Variants in LRP1 observed in about 807,000 individuals in gnomAD.
The protein encoded by LRP1 is LDL receptor related protein 1.
Under a neutral mutation model 541.5 loss-of-function variants are expected in LRP1, and 51 were observed. That is an observed-to-expected ratio of 0.09 (90% CI 0.08 to 0.12). The LOEUF is 0.12. LRP1 is among the 10% of genes least tolerant of loss of function. The probability of loss-of-function intolerance (pLI) is 1.00; values close to 1 mark genes in which losing one functional copy is unlikely to be tolerated. For missense variants in LRP1, 3,878 were observed against 6,376.2 expected, an observed-to-expected ratio of 0.61 and a Z score of 13.34; for synonymous variants, 2,219 against 2,470.8, an observed-to-expected ratio of 0.90 and a Z score of 3.02.
Position 57,210,405 on chromosome 12 carries a change from A to G in LRP1, c.12679A>G (p.Thr4227Ala), listed in dbSNP as rs1249564533. 1 of 1,605,880 alleles carries G rather than the reference A, an allele frequency of 6.2e-7. No individual in the cohort carries two copies. The highest frequency in any genetic ancestry group is 1.7e-5 in the Admixed American group (1 of 59,150). ...QPKCRCQPRYTGDKCELDQCW... is the reference protein window; with the variant it reads ...QPKCRCQPRYAGDKCELDQCW... The stretch of plus-strand genomic sequence containing the variant: ...CAAGTGCCGCTGCCAACCCCGCTAC[A>G]CGGGTGACAAGTGTGAACTGGACCA... Residue 4227 changes from threonine (T) to alanine (A), a missense_variant, in exon 82 of 89, where the codon ACG (threonine) becomes GCG (alanine). Thr to Ala is a moderately conservative substitution (Grantham distance 58). This residue lies in a region of LRP1 where 871 missense variants were observed against 1,212.4 expected (regional missense o/e 0.72). Transcript: ENST00000243077.
At chr12:57,153,446 T>C (rs2035562559) in intron 6 of LRP1, among the ~76,000 whole-genome samples, 1 of 152,130 alleles carries the variant, frequency 6.6e-6, no homozygotes, top group Non-Finnish European at 1.5e-5. Context: ...TTAAGCCCCA[T>C]CTCTTTCTGA....
chr12:57,146,893 T>C (rs2035420230), intron 6 of LRP1, among the ~76,000 whole-genome samples: 1 of 151,336 alleles, frequency 6.6e-6, no homozygotes, highest in Non-Finnish European at 1.5e-5. Context: ...TCCACTGACC[T>C]ACTCAACAGG....
intron 1 of LRP1, among the ~76,000 whole-genome samples, chr12:57,134,795 C>G (rs1307709582): frequency 6.6e-6 from 1 of 152,140 alleles, no homozygotes; most frequent in African/African-American, 2.4e-5. Context: ...AGCTCCGCCT[C>G]CCCTGGTTCA....
chr12:57,207,915 C>A, intron 76 of LRP1, 123 bp from the exon 77 acceptor site: 2 of 1,118,562 alleles, frequency 1.8e-6, no homozygotes, highest in Non-Finnish European at 2.6e-6. Flanking sequence ...GGTTGAATCT[C>A]TTTAAAGCCA....
At chr12:57,194,226 C>G (rs2036475958) in intron 48 of LRP1, 128 bp from the exon 49 acceptor site, 1 of 1,143,136 alleles carries the variant, frequency 8.7e-7, no homozygotes, top group Non-Finnish European at 1.2e-6. Context: ...ATGGTGCAGA[C>G]AGTGCCCCAC....
intron 5 of LRP1, 57 bp from the exon 6 acceptor site, chr12:57,145,170 C>A: frequency 1.9e-6 from 3 of 1,613,220 alleles, no homozygotes; most frequent in Non-Finnish European, 2.5e-6. Context: ...TGGGTGGTGG[C>A]CTGAGAGGTG....
rs910175045 is a variant in LRP1, at chr12:57,138,533, G to A, written c.142G>A (p.Asp48Asn). The change falls in exon 2 of 89, where the codon GAC (aspartate) becomes AAC (asparagine). Residue 48 changes from aspartate to asparagine, a missense_variant. Physicochemically the swap from Asp to Asn is conservative, Grantham distance 23. Transcript: ENST00000243077. ...CTGTATCTCAAAGGGCTGGCGGTGC[G>A]ACGGTGAGAGGGACTGCCCAGACGG... ...ITCISKGWRC[D>N]GERDCPDGSD... 1.2e-6 allele frequency: 2 copies of A among 1,614,044 alleles called. No homozygotes were observed. The highest frequency in any genetic ancestry group is 1.3e-5 in the African/African-American group (1 of 75,006).
Position 57,149,840 on chromosome 12 carries a change from C to A in LRP1, c.841+4350C>A, listed in dbSNP as rs2035492486. On this transcript the variant is annotated intron_variant, in intron 6 of 88. Transcript: ENST00000243077. The stretch of plus-strand genomic sequence containing the variant: ...TTCTGCCAGGCTCGCCAGGAGGTCT[C>A]CTTCCCACCTTCGAAGTCCTCAGAC... 11 of 685,076 alleles carry A rather than the reference C, an allele frequency of 1.6e-5. No homozygotes were observed. The South Asian group carries it at 1.7e-4, about 11-fold the overall frequency. The allele number at this position is 685,076 out of a possible 1,614,324, so 42.4% of individuals were successfully genotyped here.
intron 6 of LRP1, among the ~76,000 whole-genome samples, chr12:57,148,063 C>A (rs368368681): frequency 1.6e-4 from 24 of 152,306 alleles, no homozygotes; most frequent in African/African-American, 5.8e-4. Context: ...GAAGGCAAGA[C>A]CCTTGGCCAG....
At chr12:57,182,773 G>A (rs955182648) in intron 34 of LRP1, among the ~76,000 whole-genome samples, 11 of 152,030 alleles carry the variant, frequency 7.2e-5, no homozygotes, top group African/African-American at 1.7e-4. Context: ...CCGAGATCGC[G>A]TCATTGTACT....
At chr12:57,181,523 G>C (rs926963742) in intron 34 of LRP1, among the ~76,000 whole-genome samples, 2 of 152,234 alleles carry the variant, frequency 1.3e-5, no homozygotes, top group Non-Finnish European at 2.9e-5. Flanking sequence ...GCTCTGAGCT[G>C]GGTTTTCTAG....
Position 57,179,595 on chromosome 12 carries a change from C to A in LRP1, c.4966+39C>A. On this transcript the variant is annotated intron_variant, in intron 29 of 88. Transcript: ENST00000243077. This position sits in a 1 kb window ranked among gnomAD's most constrained non-coding sequence, Gnocchi z 6.8. ...CTGGATGCCCACCAGTGGACATGGG[C>A]ACCTCCACCCGCCCCTTGCTCCCAA... The A allele has an allele frequency of 6.4e-7, 1 of 1,559,406 alleles. No homozygotes were observed. Among genetic ancestry groups the A allele is most frequent in the Non-Finnish European group, 8.8e-7 (1 of 1,133,136 alleles).
At chr12:57,196,034 C>T in intron 54 of LRP1, 31 bp downstream of exon 54, 2 of 1,611,656 alleles carry the variant, frequency 1.2e-6, no homozygotes, top group Non-Finnish European at 1.7e-6. Flanking sequence ...CCCTCTGCCC[C>T]CTCCCCAGAC....
At position 57,137,571 on chromosome 12, in the gene LRP1, G is replaced by A. The variant is rs1045841186; in HGVS notation, c.68-888G>A. 2.0e-5 allele frequency among the ~76,000 whole-genome samples: 3 copies of A among 152,076 alleles called. No individual in the cohort carries two copies. The South Asian group carries it at 6.2e-4, about 32-fold the overall frequency. On this transcript the variant is annotated intron_variant, in intron 1 of 88. Coordinates refer to ENST00000243077, the MANE Select transcript of LRP1 (RefSeq NM_002332.3). ...AGAGAATGGAGAGGACAAGGCAGGT[G>A]GATCACCTGAGGTCAGGAGTTTGAG...
chr12:57,195,563 C>CCCA, intron 52 of LRP1, 95 bp from the exon 53 acceptor site: 2 of 1,594,736 alleles, frequency 1.3e-6, no homozygotes, highest in Admixed American at 3.3e-5. Context: ...CAGTGCCCTG[C>CCCA]CCACTCTACC....
chr12:57,169,508 T>A (rs2035904051), intron 20 of LRP1, among the ~76,000 whole-genome samples: 1 of 152,190 alleles, frequency 6.6e-6, no homozygotes, highest in Non-Finnish European at 1.5e-5. Flanking sequence ...CCACACGCTG[T>A]TAATATCATG....
At chr12:57,144,910 T>A in intron 4 of LRP1, 62 bp from the exon 5 acceptor site, 1 of 1,522,400 alleles carries the variant, frequency 6.6e-7, no homozygotes, top group South Asian at 1.1e-5. Context: ...TGTCTGATGA[T>A]CACCCACTTC....
At chr12:57,129,070 C>CA in intron 1 of LRP1, 39 bp downstream of exon 1, 1 of 1,538,996 alleles carries the variant, frequency 6.5e-7, no homozygotes, top group African/African-American at 1.4e-5. Flanking sequence ...CCCCTGGGGG[C>CA]ACCCTCTCCC....
At chr12:57,199,535 C>G (rs1217969098) in intron 61 of LRP1, 135 bp downstream of exon 61, 1 of 991,238 alleles carries the variant, frequency 1.0e-6, no homozygotes, top group Admixed American at 2.7e-5. Flanking sequence ...AGGGTCTAGA[C>G]AGGGGATGGT....
Sources: gnomAD v4.1 joint callset for allele counts (sites outside exome capture counted in the v4.1 genomes callset) on GRCh38, gnomAD v4.1.1 for gene constraint, gnomAD v4.1.1 regional missense constraint, Gnocchi (gnomAD v3.1) non-coding constraint, MANE v1.5 for transcripts, NCBI Gene and HGNC (gene_info 2026-07-23, HGNC 2026-07-21) for gene names.